Variants in ZFYVE28 observed in about 807,000 individuals in gnomAD.
ZFYVE28 encodes lateral signaling target protein 2 homolog.
Under a neutral mutation model 82.1 loss-of-function variants are expected in ZFYVE28, and 40 were observed. The ratio of observed to expected loss-of-function variants is 0.49; its 90% confidence interval spans 0.38 to 0.63. The LOEUF (loss-of-function observed/expected upper bound fraction) is 0.63. Among genes scored for constraint, ZFYVE28 ranks in the 30% least tolerant of loss-of-function variants. The probability of loss-of-function intolerance (pLI) is 0.00; values close to 1 mark genes in which losing one functional copy is unlikely to be tolerated. For synonymous variants in ZFYVE28, 612 were observed against 546.1 expected, an observed-to-expected ratio of 1.12 and a Z score of -1.68; for missense variants, 1,321 against 1,242.1, an observed-to-expected ratio of 1.06 and a Z score of -0.96.
chr4:2,350,442 C>T (rs961137134), intron 2 of ZFYVE28, among the ~76,000 whole-genome samples: 3 of 149,656 alleles, frequency 2.0e-5, no homozygotes, highest in Non-Finnish European at 3.0e-5. Context: ...CCAGCCTGGG[C>T]GACAGAGCGA....
Position 2,270,400 on chromosome 4 carries a change from T to G in ZFYVE28, c.*325A>C. The G allele has an allele frequency of 2.7e-6, 1 of 368,508 alleles. No homozygotes were observed. The highest frequency in any genetic ancestry group is 5.1e-6 in the Non-Finnish European group (1 of 196,280). The allele number at this position is 368,508 out of a possible 1,614,324, so 22.8% of individuals were successfully genotyped here. ...TGTCCACCTCCATCACCCGCCCCGA[T>G]TCCCATAGCCCCAGCAGATCTCCGA... On this transcript the variant is annotated 3_prime_UTR_variant, in exon 13 of 13. Coordinates refer to ENST00000290974, the MANE Select transcript of ZFYVE28 (RefSeq NM_020972.3).
intron 1 of ZFYVE28, among the ~76,000 whole-genome samples, chr4:2,404,861 T>TTTTC (rs1553867243): frequency 5.9e-4 from 81 of 137,566 alleles, no homozygotes; most frequent in Non-Finnish European, 1.1e-3. Context: ...CTCGCTCTTT[T>TTTTC]TTTTTTTTTT....
chr4:2,329,079 T>A (rs924284877), intron 6 of ZFYVE28: 1 of 695,046 alleles, frequency 1.4e-6, no homozygotes, highest in Non-Finnish European at 2.6e-6. Context: ...TGTTTTTCAA[T>A]ATTGTTTTGG....
rs371648472 is a variant in ZFYVE28, at chr4:2,393,364, A to C, written c.39+24921T>G. On this transcript the variant is annotated intron_variant, in intron 1 of 12. Coordinates refer to ENST00000290974, the MANE Select transcript of ZFYVE28 (RefSeq NM_020972.3). ...ACTCCTGGGCTGGGAATTCCTTGGAAGGCAGGCCACACAGGTGTGGAGACA... is the reference window on the plus strand; with the variant it reads ...ACTCCTGGGCTGGGAATTCCTTGGACGGCAGGCCACACAGGTGTGGAGACA... Among the ~76,000 whole-genome samples, 219 of 152,368 alleles carry C rather than the reference A, an allele frequency of 1.4e-3. 1 individual carries two copies. Among genetic ancestry groups the C allele is most frequent in the African/African-American group, 3.9e-3 (164 of 41,582 alleles).
At chr4:2,376,709 A>G (rs1330927271) in intron 1 of ZFYVE28, among the ~76,000 whole-genome samples, 1 of 152,152 alleles carries the variant, frequency 6.6e-6, no homozygotes, top group Non-Finnish European at 1.5e-5. Context: ...AGTCCCTCCC[A>G]CGACATGTGG....
In ZFYVE28 at chr4:2,335,639, C is replaced by T; in HGVS notation, c.701+66G>A. 1 of 1,471,606 alleles carries T rather than the reference C, an allele frequency of 6.8e-7. No individual in the cohort carries two copies. The highest frequency in any genetic ancestry group is 9.3e-7 in the Non-Finnish European group (1 of 1,077,354). 91.2% of individuals were successfully genotyped at this position (1,471,606 alleles called of 1,614,324 possible). A position where few individuals can be genotyped will look rare whatever the true frequency, so the allele number is the denominator to read the frequency against. On this transcript the variant is annotated intron_variant, in intron 6 of 12. Coordinates refer to ENST00000290974, the MANE Select transcript of ZFYVE28 (RefSeq NM_020972.3). The surrounding 1 kb of genome is among the most constrained non-coding windows in gnomAD (Gnocchi z 5.8). ...CCATGGACCGGCACCCGCACGGGAC[C>T]TGGCACCATCAGCCCTGCCCGTCCC...
Position 2,308,692 on chromosome 4 carries a change from GAAAAGAAAAGAA to G in ZFYVE28, c.804-3168_804-3157del, listed in dbSNP as rs1467529796. Among the ~76,000 whole-genome samples, 688 of 96,358 alleles carry G rather than the reference GAAAAGAAAAGAA, an allele frequency of 7.1e-3. 12 individuals are homozygous for G. Among genetic ancestry groups the G allele is most frequent in the African/African-American group, 0.024 (620 of 25,314 alleles). The allele number at this position is 96,358 out of a possible 152,430, so 63.2% of individuals were successfully genotyped here. ...AAGAAAGAAAGAGAAAGAAAGAAAAGAAAAGAAAAGAAAAAAGAAAAGAAAAGAAAGAAAAAA... is the reference window on the plus strand; with the variant it reads ...AAGAAAGAAAGAGAAAGAAAGAAAAGAAAAGAAAAGAAAAGAAAGAAAAAA... On this transcript the variant is annotated intron_variant, in intron 7 of 12. Transcript: ENST00000290974.
chr4:2,303,662 G>A (rs995390495), intron 8 of ZFYVE28, among the ~76,000 whole-genome samples: 3 of 152,136 alleles, frequency 2.0e-5, no homozygotes, highest in African/African-American at 7.2e-5. Flanking sequence ...GAAGAGATAG[G>A]AGACCTCCCC....
Position 2,332,743 on chromosome 4 carries a change from C to T in ZFYVE28, c.701+2962G>A, listed in dbSNP as rs1720912183. On this transcript the variant is annotated intron_variant, in intron 6 of 12. Transcript: ENST00000290974. The surrounding 1 kb of genome is among the most constrained non-coding windows in gnomAD (Gnocchi z 4.7). ...CCGCTGGTGGTGCAGGGCTGCAGGG[C>T]CCCAGTGAGCATCCCAGAGGGGCGG... 6.6e-6 allele frequency among the ~76,000 whole-genome samples: 1 copy of T among 152,122 alleles called. No individual in the cohort carries two copies. Among genetic ancestry groups the T allele is most frequent in the Non-Finnish European group, 1.5e-5 (1 of 68,008 alleles).
chr4:2,311,477 G>A (rs1215205466), intron 7 of ZFYVE28, among the ~76,000 whole-genome samples: 2 of 152,118 alleles, frequency 1.3e-5, no homozygotes, highest in Non-Finnish European at 2.9e-5. Flanking sequence ...AGTGAGCCGA[G>A]ATCGCACCAC....
At chr4:2,348,133 G>A (rs143906759) in intron 2 of ZFYVE28, among the ~76,000 whole-genome samples, 50 of 152,218 alleles carry the variant, frequency 3.3e-4, no homozygotes, top group African/African-American at 1.1e-3. Flanking sequence ...AGGTGACATC[G>A]CGGTGGATCC....
chr4:2,346,915 ATACT>A (rs1462428037), intron 2 of ZFYVE28, among the ~76,000 whole-genome samples: 34 of 152,304 alleles, frequency 2.2e-4, no homozygotes, highest in Non-Finnish European at 5.9e-5. Context: ...TAGCAAAATG[ATACT>A]TAAATCTAAC....
At chr4:2,276,148 G>C (rs1312470909) in intron 8 of ZFYVE28, among the ~76,000 whole-genome samples, 4 of 152,084 alleles carry the variant, frequency 2.6e-5, no homozygotes, top group East Asian at 3.9e-4. Context: ...CGGCAGAGCG[G>C]GGGAGGAGGC....
At chr4:2,314,317 C>A (rs1717906949) in intron 7 of ZFYVE28, among the ~76,000 whole-genome samples, 2 of 152,232 alleles carry the variant, frequency 1.3e-5, no homozygotes, top group Admixed American at 1.3e-4. Flanking sequence ...CAGCCAAGTA[C>A]AGCTGTTGTT....
At chr4:2,392,890 T>A (rs1016044760) in intron 1 of ZFYVE28, among the ~76,000 whole-genome samples, 6 of 152,202 alleles carry the variant, frequency 3.9e-5, no homozygotes, top group African/African-American at 1.4e-4. Flanking sequence ...ACACCTCAGC[T>A]GTAAGGAATT....
At chr4:2,388,131 C>A (rs916775622) in intron 1 of ZFYVE28, among the ~76,000 whole-genome samples, 3 of 152,240 alleles carry the variant, frequency 2.0e-5, no homozygotes, top group South Asian at 2.1e-4. Flanking sequence ...CACTGCCCCC[C>A]AGTCCCCGTG....
intron 1 of ZFYVE28, among the ~76,000 whole-genome samples, chr4:2,359,716 C>T (rs1365743785): frequency 2.6e-5 from 4 of 152,200 alleles, no homozygotes; most frequent in South Asian, 2.1e-4. Context: ...TTGTTGCGGC[C>T]GCCTGACCTG....
intron 1 of ZFYVE28, among the ~76,000 whole-genome samples, chr4:2,380,625 C>T (rs983095384): frequency 6.6e-6 from 1 of 152,202 alleles, no homozygotes; most frequent in African/African-American, 2.4e-5. Context: ...GAATTATACT[C>T]TCGTAATTCC....
intron 8 of ZFYVE28, chr4:2,295,668 A>C (rs1198251267): frequency 6.6e-6 from 1 of 152,194 alleles, no homozygotes; most frequent in African/African-American, 2.4e-5. Flanking sequence ...CTCGGCCCTC[A>C]CAGGTCCTGC....
Sources: allele counts gnomAD v4.1 joint callset (sites outside exome capture counted in the v4.1 genomes callset), GRCh38; gene constraint gnomAD v4.1.1; non-coding constraint Gnocchi (gnomAD v3.1); transcripts MANE v1.5; gene names NCBI Gene and HGNC (gene_info 2026-07-23, HGNC 2026-07-21).